Variants in GPR139 observed in about 807,000 individuals in gnomAD.
GPR139 encodes probable G protein-coupled receptor 139.
Under a neutral mutation model 25.8 loss-of-function variants are expected in GPR139, and 12 were observed. The ratio of observed to expected loss-of-function variants is 0.47; its 90% CI spans 0.30 to 0.75. GPR139 has a LOEUF of 0.75. GPR139 is among the 30% of genes least tolerant of loss of function. GPR139 has a pLI of 0.07. For missense variants in GPR139, 380 were observed against 450.2 expected, an observed-to-expected ratio of 0.84 and a Z score of 1.41; for synonymous variants, 184 against 179.9, an observed-to-expected ratio of 1.02 and a Z score of -0.18.
chr16:20,041,248 GAGGGAAGGAGAAAAGAAA>G (rs1362350583), intron 1 of GPR139, among the ~76,000 whole-genome samples: 13 of 6,228 alleles, frequency 2.1e-3, no homozygotes, highest in Non-Finnish European at 4.2e-3. Context: ...GAGGAGAGGA[GAGGGAAGGAGAAAAGAAA>G]AGCATCTCTC....
chr16:20,047,092 A>G (rs2057356662), intron 1 of GPR139, among the ~76,000 whole-genome samples: 1 of 136,350 alleles, frequency 7.3e-6, no homozygotes, highest in Non-Finnish European at 1.5e-5. Context: ...CTAGTCTTAA[A>G]ACTTCTCTTC....
intron 1 of GPR139, among the ~76,000 whole-genome samples, chr16:20,038,450 A>G (rs1030060078): frequency 6.6e-6 from 1 of 151,734 alleles, no homozygotes; most frequent in Admixed American, 6.6e-5. Context: ...AAAATTCTCC[A>G]TATCGAAGCT....
intron 1 of GPR139, among the ~76,000 whole-genome samples, chr16:20,067,406 C>A (rs566030461): frequency 1.9e-4 from 29 of 152,334 alleles, no homozygotes; most frequent in Admixed American, 1.7e-3. Context: ...TGATGAAGTG[C>A]TCTTTTTCTC....
At chr16:20,041,901 A>G (rs2057337968) in intron 1 of GPR139, among the ~76,000 whole-genome samples, 1 of 152,206 alleles carries the variant, frequency 6.6e-6, no homozygotes, top group Admixed American at 6.5e-5. Context: ...CATGGGAAAG[A>G]CAACCCCTTG....
At chr16:20,047,897 T>C (rs2057359631) in intron 1 of GPR139, among the ~76,000 whole-genome samples, 1 of 152,178 alleles carries the variant, frequency 6.6e-6, no homozygotes, top group Admixed American at 6.5e-5. Flanking sequence ...TCACAGGTTT[T>C]CATGAGGATT....
At chr16:20,065,877 CAAAA>C (rs11307746) in intron 1 of GPR139, among the ~76,000 whole-genome samples, 1 of 118,806 alleles carries the variant, frequency 8.4e-6, no homozygotes, top group Admixed American at 8.8e-5. Flanking sequence ...GAGACTATCT[CAAAA>C]AAAAAAAAAA....
chr16:20,054,687 T>TCTTCCTTCCTTCCTTCCTTCCTC (rs1567238637), intron 1 of GPR139, among the ~76,000 whole-genome samples: 1 of 129,806 alleles, frequency 7.7e-6, no homozygotes, highest in African/African-American at 2.6e-5. Context: ...CTTCCTTCCT[T>TCTTCCTTCCTTCCTTCCTTCCTC]CTTCCTTCCT....
At chr16:20,046,632 A>G (rs1220685775) in intron 1 of GPR139, among the ~76,000 whole-genome samples, 1 of 152,210 alleles carries the variant, frequency 6.6e-6, no homozygotes, top group Non-Finnish European at 1.5e-5. Context: ...GAGAGGAAGC[A>G]GCAATGAGTT....
Position 20,073,290 on chromosome 16 carries a change from GCA to G in GPR139, c.127+198_127+199del, listed in dbSNP as rs71146301. Among the ~76,000 whole-genome samples the G allele has an allele frequency of 5.3e-5, 8 of 150,012 alleles. No homozygotes were observed. Among genetic ancestry groups the G allele is most frequent in the African/African-American group, 7.3e-5 (3 of 40,860 alleles). On this transcript the variant is annotated intron_variant, in intron 1 of 1. Coordinates refer to ENST00000570682, the MANE Select transcript of GPR139 (RefSeq NM_001002911.4). This position sits in a 1 kb window ranked among gnomAD's most constrained non-coding sequence, Gnocchi z 4.7. ...CACACACACACACACGCTCGCGCGCGCACACACACACACACGGTCCCCAGCTA... is the reference window on the plus strand; with the variant it reads ...CACACACACACACACGCTCGCGCGCGCACACACACACACGGTCCCCAGCTA...
intron 1 of GPR139, among the ~76,000 whole-genome samples, chr16:20,034,367 A>G (rs191927419): frequency 8.5e-5 from 13 of 152,334 alleles, no homozygotes; most frequent in Admixed American, 8.5e-4. Flanking sequence ...ACATTTTGCC[A>G]TATTTACTTC....
intron 1 of GPR139, among the ~76,000 whole-genome samples, chr16:20,064,692 A>G (rs1395889039): frequency 6.6e-6 from 1 of 152,206 alleles, no homozygotes; most frequent in Non-Finnish European, 1.5e-5. Flanking sequence ...TGAAAAAGGG[A>G]TTCTTATACC....
In GPR139 at chr16:20,047,439, C is replaced by T. The variant is rs150069796; in HGVS notation, c.128-14770G>A. Among the ~76,000 whole-genome samples the T allele has an allele frequency of 2.5e-3, 384 of 152,312 alleles. 3 individuals carry two copies. The highest frequency in any genetic ancestry group is 6.1e-3 in the African/African-American group (254 of 41,558). On this transcript the variant is annotated intron_variant, in intron 1 of 1. Transcript: ENST00000570682. ...TCATTTTTAAGGGACAGCTGACCTG[C>T]GTGTCCTGCAGCTAAGGCCATGTAT...
At chr16:20,065,194 C>T (rs549865422) in intron 1 of GPR139, among the ~76,000 whole-genome samples, 43 of 152,300 alleles carry the variant, frequency 2.8e-4, no homozygotes, top group African/African-American at 9.9e-4. Context: ...TCACAAAGTG[C>T]TGGCTCACAT....
chr16:20,073,346 T>G lies in GPR139; in HGVS notation c.127+144A>C. On this transcript the variant is annotated intron_variant, in intron 1 of 1. Transcript: ENST00000570682. The surrounding 1 kb of genome is among the most constrained non-coding windows in gnomAD (Gnocchi z 4.7). ...CACAGCAACTTCCTTTCCCCCCGTG[T>G]GGAAATATCCATAGTTGCCCTTAAA... The G allele has an allele frequency of 8.1e-7, 1 of 1,232,282 alleles. No individual in the cohort carries two copies. Among genetic ancestry groups the G allele is most frequent in the South Asian group, 1.5e-5 (1 of 68,536 alleles). 76.3% of individuals were successfully genotyped at this position (1,232,282 alleles called of 1,614,324 possible).
intron 1 of GPR139, among the ~76,000 whole-genome samples, chr16:20,061,152 C>T (rs371092402): frequency 1.3e-5 from 2 of 151,788 alleles, no homozygotes; most frequent in East Asian, 3.9e-4. Flanking sequence ...AGCATGGTGC[C>T]TGGTACCTAG....
At chr16:20,051,447 C>G (rs556253534) in intron 1 of GPR139, among the ~76,000 whole-genome samples, 1 of 152,208 alleles carries the variant, frequency 6.6e-6, no homozygotes, top group Non-Finnish European at 1.5e-5. Context: ...ATGGGACCCA[C>G]GTTCTCTTGG....
intron 1 of GPR139, among the ~76,000 whole-genome samples, chr16:20,035,205 T>C (rs1313164680): frequency 6.6e-6 from 1 of 152,112 alleles, no homozygotes; most frequent in African/African-American, 2.4e-5. Context: ...CACTTTGAAA[T>C]AACATTTTGG....
intron 1 of GPR139, among the ~76,000 whole-genome samples, chr16:20,066,448 T>G (rs933878460): frequency 1.3e-5 from 2 of 152,248 alleles, no homozygotes; most frequent in Non-Finnish European, 2.9e-5. Flanking sequence ...TCCCTAGGCT[T>G]ATGATGGAAT....
chr16:20,047,339 G>C (rs2057357774), intron 1 of GPR139, among the ~76,000 whole-genome samples: 1 of 152,248 alleles, frequency 6.6e-6, no homozygotes, highest in South Asian at 2.1e-4. Flanking sequence ...TCGAACTCCT[G>C]ACCTGGGAGG....
Sources: allele counts gnomAD v4.1 joint callset (sites outside exome capture counted in the v4.1 genomes callset), GRCh38; gene constraint gnomAD v4.1.1; non-coding constraint Gnocchi (gnomAD v3.1); transcripts MANE v1.5; gene names NCBI Gene and HGNC (gene_info 2026-07-23, HGNC 2026-07-21).